The following ALDH7A1 variants were observed in gnomAD, a reference collection of about 807,000 sequenced individuals.
The protein encoded by ALDH7A1 is aldehyde dehydrogenase 7 family member A1.
In ALDH7A1, 63 loss-of-function variants were observed where a neutral mutation model predicts 79.9. The ratio of observed to expected loss-of-function variants is 0.79; its 90% CI spans 0.64 to 0.97. ALDH7A1 has a LOEUF of 0.97. Among genes scored for constraint, ALDH7A1 ranks in the 50% least tolerant of loss-of-function variants. The pLI is 0.00. For synonymous variants in ALDH7A1, 240 were observed against 231.2 expected (o/e 1.04, Z -0.34); for missense variants, 627 against 665.2 (o/e 0.94, Z 0.63).
chr5:126,544,896 TTTTC>T lies in ALDH7A1; in HGVS notation c.*65_*68del, dbSNP rs765576367. Reference sequence around the variant, plus strand: ...TGCATTTATTCAGGGAAAACTTTAATTTTCTTTGTCTTCTCCAAAAACAGCTGCT... The same window carrying T: ...TGCATTTATTCAGGGAAAACTTTAATTTTGTCTTCTCCAAAAACAGCTGCT... On this transcript the variant is annotated 3_prime_UTR_variant, in exon 18 of 18. Coordinates refer to ENST00000409134, the MANE Select transcript of ALDH7A1 (RefSeq NM_001182.5). 37 of 1,359,616 alleles carry T rather than the reference TTTTC, an allele frequency of 2.7e-5. No individual in the cohort carries two copies. Among genetic ancestry groups the T allele is most frequent in the Non-Finnish European group, 3.5e-5 (33 of 952,350 alleles). The allele number at this position is 1,359,616 out of a possible 1,614,324, so 84.2% of individuals were successfully genotyped here.
intron 3 of ALDH7A1, among the ~76,000 whole-genome samples, chr5:126,584,942 C>T (rs1751309815): frequency 6.6e-6 from 1 of 152,262 alleles, no homozygotes; most frequent in East Asian, 1.9e-4. Flanking sequence ...GACACAATTT[C>T]TCCAACTGTG....
At chr5:126,545,558 C>T (rs118113384) in intron 17 of ALDH7A1, among the ~76,000 whole-genome samples, 2,677 of 142,364 alleles carry the variant, frequency 0.019, 58 homozygotes, top group South Asian at 0.054. Context: ...CCACTGCAGG[C>T]GTGGATCACC....
At chr5:126,580,074 T>C (rs760817988) in intron 5 of ALDH7A1, 5 of 167,562 alleles carry the variant, frequency 3.0e-5, no homozygotes, top group African/African-American at 7.2e-5. Flanking sequence ...TATCCCCAAA[T>C]TGGAGGTTTA....
intron 4 of ALDH7A1, 25 bp downstream of exon 4, chr5:126,583,907 T>A (rs1188711578): frequency 6.3e-7 from 1 of 1,574,900 alleles, no homozygotes; most frequent in Non-Finnish European, 8.7e-7. Context: ...CAAAGAATTG[T>A]GTATATACTA....
At chr5:126,593,620 CCT>C in intron 1 of ALDH7A1, 1 of 658,076 alleles carries the variant, frequency 1.5e-6, no homozygotes, top group African/African-American at 1.8e-5. Flanking sequence ...GCAAAACTCG[CCT>C]CTGACATCTC....
intron 13 of ALDH7A1, among the ~76,000 whole-genome samples, chr5:126,552,957 GTC>G (rs774867830): frequency 2.0e-5 from 3 of 151,636 alleles, no homozygotes; most frequent in Non-Finnish European, 4.4e-5. Context: ...GTCCAGGTGG[GTC>G]TTGAATTCCT....
At chr5:126,594,639 T>C (rs2112819314) in intron 1 of ALDH7A1, among the ~76,000 whole-genome samples, 1 of 151,626 alleles carries the variant, frequency 6.6e-6, no homozygotes, top group South Asian at 2.1e-4. Context: ...AGAGACAAGG[T>C]TTCTCCATGT....
chr5:126,556,030 A>T lies in ALDH7A1; in HGVS notation c.1009-15T>A. The T allele has an allele frequency of 1.3e-6, 2 of 1,580,032 alleles. No homozygotes were observed. The highest frequency in any genetic ancestry group is 1.7e-6 in the Non-Finnish European group (2 of 1,149,512). ...TCATGTATAAACTAAACGAAAAAAG[A>T]TATTCAAGGGCATAGTATGATAAAT... On this transcript the variant is annotated splice_polypyrimidine_tract_variant and intron_variant, in intron 11 of 17. Transcript: ENST00000409134.
intron 5 of ALDH7A1, among the ~76,000 whole-genome samples, chr5:126,580,790 T>C (rs945072037): frequency 6.6e-6 from 1 of 152,078 alleles, no homozygotes; most frequent in Non-Finnish European, 1.5e-5. Flanking sequence ...TCTATCCACA[T>C]TGCAAACATC....
intron 17 of ALDH7A1, 56 bp downstream of exon 17, chr5:126,546,268 A>C: frequency 6.7e-7 from 1 of 1,494,954 alleles, no homozygotes; most frequent in Middle Eastern, 1.7e-4. Context: ...GAAAGTGTAA[A>C]AGCCCATTCC....
chr5:126,563,299 A>G (rs1750463030), intron 9 of ALDH7A1, among the ~76,000 whole-genome samples: 1 of 152,176 alleles, frequency 6.6e-6, no homozygotes, highest in Admixed American at 6.5e-5. Flanking sequence ...CTGATGTCTT[A>G]CACCTTTCCC....
intron 10 of ALDH7A1, among the ~76,000 whole-genome samples, chr5:126,559,580 G>A (rs977778843): frequency 6.6e-6 from 1 of 151,796 alleles, no homozygotes; most frequent in Non-Finnish European, 1.5e-5. Context: ...TTACAAGCAT[G>A]TGCCACCACG....
intron 16 of ALDH7A1, chr5:126,549,453 G>C (rs1196731168): frequency 1.3e-5 from 2 of 156,452 alleles, no homozygotes; most frequent in Admixed American, 1.2e-4. Context: ...CTACTACCAA[G>C]TTTCAGCATT....
At chr5:126,562,984 T>C (rs1250346764) in intron 9 of ALDH7A1, among the ~76,000 whole-genome samples, 2 of 152,112 alleles carry the variant, frequency 1.3e-5, no homozygotes, top group Non-Finnish European at 2.9e-5. Flanking sequence ...CTGGGTGTAG[T>C]GGGAAGGAGG....
intron 3 of ALDH7A1, among the ~76,000 whole-genome samples, chr5:126,591,319 C>T (rs1751546528): frequency 6.6e-6 from 1 of 151,932 alleles, no homozygotes; most frequent in Non-Finnish European, 1.5e-5. Context: ...CTAGGCCATA[C>T]TTCTATCCAT....
intron 3 of ALDH7A1, among the ~76,000 whole-genome samples, chr5:126,585,185 C>A (rs1751319166): frequency 6.6e-6 from 1 of 152,148 alleles, no homozygotes. Context: ...GTAATCCCAG[C>A]TACTTGGGAG....
intron 9 of ALDH7A1, chr5:126,564,428 G>T: frequency 1.3e-6 from 1 of 784,112 alleles, no homozygotes. Context: ...GATTACAGAC[G>T]TGAGCCACTG....
intron 14 of ALDH7A1, 71 bp from the exon 15 acceptor site, chr5:126,550,364 A>C: frequency 8.5e-7 from 1 of 1,172,922 alleles, no homozygotes; most frequent in Non-Finnish European, 1.3e-6. Flanking sequence ...CATTAAACTC[A>C]TTTCCTGAAG....
At position 126,552,011 on chromosome 5, in the gene ALDH7A1, G is replaced by C; in HGVS notation, c.1317+10C>G. ...TCAACATCAGGCTAGCGAACAGAAT[G>C]CATTTTTACCTTGAATTTAAAGACA... On this transcript the variant is annotated intron_variant, in intron 14 of 17. Transcript: ENST00000409134. 1 of 1,587,410 alleles carries C rather than the reference G, an allele frequency of 6.3e-7. No homozygotes were observed. Among genetic ancestry groups the C allele is most frequent in the Non-Finnish European group, 8.6e-7 (1 of 1,156,788 alleles).
Sources: gnomAD v4.1 joint callset for allele counts (sites outside exome capture counted in the v4.1 genomes callset) on GRCh38, gnomAD v4.1.1 for gene constraint, MANE v1.5 for transcripts, NCBI Gene and HGNC (gene_info 2026-07-23, HGNC 2026-07-21) for gene names.